The following TCERG1L variants were observed in gnomAD, a reference collection of about 807,000 sequenced individuals.
TCERG1L encodes the protein transcription elongation regulator 1-like protein.
Under a neutral mutation model 56.3 loss-of-function variants are expected in TCERG1L, and 37 were observed. The ratio of observed to expected loss-of-function variants is 0.66; its 90% CI spans 0.51 to 0.87. The LOEUF is 0.87. Among genes scored for constraint, TCERG1L ranks in the 40% least tolerant of loss-of-function variants. The pLI is 0.00. For missense variants in TCERG1L, 799 were observed against 774.2 expected (o/e 1.03, Z -0.38); for synonymous variants, 324 against 326.3 (o/e 0.99, Z 0.08).
intron 4 of TCERG1L, among the ~76,000 whole-genome samples, chr10:131,174,750 T>G (rs780853594): frequency 1.7e-4 from 26 of 152,274 alleles, no homozygotes; most frequent in Non-Finnish European, 3.7e-4. Context: ...AACAAAGGGT[T>G]GTAAAATGCT....
At chr10:131,160,141 T>C (rs1418438670) in intron 6 of TCERG1L, among the ~76,000 whole-genome samples, 1 of 152,128 alleles carries the variant, frequency 6.6e-6, no homozygotes, top group Non-Finnish European at 1.5e-5. Flanking sequence ...GCTCCCAGCG[T>C]GAAGCTTCTC....
At chr10:131,187,606 G>A (rs939379806) in intron 4 of TCERG1L, among the ~76,000 whole-genome samples, 3 of 152,104 alleles carry the variant, frequency 2.0e-5, no homozygotes, top group Admixed American at 2.0e-4. Context: ...ATGGCATGGT[G>A]GAAAACCAAA....
chr10:131,255,691 T>C (rs1466313169), intron 4 of TCERG1L, among the ~76,000 whole-genome samples: 1 of 152,216 alleles, frequency 6.6e-6, no homozygotes, highest in Non-Finnish European at 1.5e-5. Flanking sequence ...CTAACGTAGT[T>C]AAAGTCAGGG....
At chr10:131,195,550 G>C (rs1354377563) in intron 4 of TCERG1L, among the ~76,000 whole-genome samples, 1 of 152,176 alleles carries the variant, frequency 6.6e-6, no homozygotes, top group Non-Finnish European at 1.5e-5. Flanking sequence ...CCTGTACCCC[G>C]AGAGCTTTCT....
chr10:131,205,927 G>A (rs1845519770), intron 4 of TCERG1L, among the ~76,000 whole-genome samples: 1 of 152,226 alleles, frequency 6.6e-6, no homozygotes, highest in Non-Finnish European at 1.5e-5. Context: ...TCCTGTGCCA[G>A]GTCTCTGTGG....
intron 4 of TCERG1L, among the ~76,000 whole-genome samples, chr10:131,187,099 C>T (rs1845253456): frequency 6.6e-6 from 1 of 152,156 alleles, no homozygotes; most frequent in Non-Finnish European, 1.5e-5. Flanking sequence ...GGCAAGTCTG[C>T]CAGAGCTGGC....
intron 3 of TCERG1L, among the ~76,000 whole-genome samples, chr10:131,291,771 A>C (rs996294791): frequency 6.6e-6 from 1 of 151,610 alleles, no homozygotes; most frequent in Non-Finnish European, 1.5e-5. Context: ...ATCCAAGACC[A>C]TAGTAACTGT....
chr10:131,101,399 C>T (rs1411553744), intron 10 of TCERG1L, among the ~76,000 whole-genome samples: 3 of 152,222 alleles, frequency 2.0e-5, no homozygotes, highest in Non-Finnish European at 2.9e-5. Flanking sequence ...TTTCTTTTTG[C>T]GGTGAGAATG....
At chr10:131,187,560 G>A (rs1407789261) in intron 4 of TCERG1L, among the ~76,000 whole-genome samples, 1 of 152,170 alleles carries the variant, frequency 6.6e-6, no homozygotes, top group Non-Finnish European at 1.5e-5. Context: ...TCTGTGAGTA[G>A]ATGGCCTCCC....
intron 4 of TCERG1L, among the ~76,000 whole-genome samples, chr10:131,189,301 A>T (rs183259125): frequency 6.6e-6 from 1 of 152,302 alleles, no homozygotes; most frequent in Admixed American, 6.5e-5. Context: ...CAGTGTGCCC[A>T]TTACATAACT....
chr10:131,123,484 G>A (rs908656052), intron 8 of TCERG1L, among the ~76,000 whole-genome samples: 20 of 152,080 alleles, frequency 1.3e-4, no homozygotes, highest in African/African-American at 4.6e-4. Context: ...ATCTAAGAAT[G>A]TTCTAGAGAC....
chr10:131,206,201 C>T (rs936815215), intron 4 of TCERG1L, among the ~76,000 whole-genome samples: 10 of 152,222 alleles, frequency 6.6e-5, no homozygotes, highest in African/African-American at 2.2e-4. Context: ...CGCCAAGGTC[C>T]GCAAAGGCAA....
chr10:131,247,998 TAC>T (rs35721508), intron 4 of TCERG1L, among the ~76,000 whole-genome samples: 2 of 149,644 alleles, frequency 1.3e-5, no homozygotes, highest in East Asian at 2.0e-4. Context: ...CAGGTGCACA[TAC>T]ACACACACAT....
At chr10:131,238,229 G>T (rs12569729) in intron 4 of TCERG1L, among the ~76,000 whole-genome samples, 1 of 152,092 alleles carries the variant, frequency 6.6e-6, no homozygotes, top group African/African-American at 2.4e-5. Flanking sequence ...GTGCTGTTCC[G>T]TTGTGCAGCC....
At chr10:131,104,486 G>A in intron 9 of TCERG1L, 132 bp from the exon 10 acceptor site, 1 of 621,404 alleles carries the variant, frequency 1.6e-6, no homozygotes, top group South Asian at 1.9e-5. Flanking sequence ...TCCGTGATGT[G>A]GTGCAGTATA....
At position 131,226,369 on chromosome 10, in the gene TCERG1L, G is replaced by T. The variant is rs186853218; in HGVS notation, c.856+33890C>A. 1.4e-4 allele frequency among the ~76,000 whole-genome samples: 21 copies of T among 152,316 alleles called. No homozygotes were observed. The East Asian group carries it at 4.1e-3, about 29-fold the overall frequency. On this transcript the variant is annotated intron_variant, in intron 4 of 11. Coordinates refer to ENST00000368642, the MANE Select transcript of TCERG1L (RefSeq NM_174937.4). ...TGGGAGTCCAGGTGTGAGCCTCCAT[G>T]CCCGGCTACCAATTTCCTTGAAACA...
intron 6 of TCERG1L, among the ~76,000 whole-genome samples, chr10:131,154,863 T>C (rs1311658713): frequency 6.6e-6 from 1 of 152,216 alleles, no homozygotes; most frequent in East Asian, 1.9e-4. Context: ...AGGGGCAGCC[T>C]GGGCCAGGCA....
At position 131,186,006 on chromosome 10, in the gene TCERG1L, C is replaced by T. The variant is rs141928869; in HGVS notation, c.857-19121G>A. 7.2e-5 allele frequency among the ~76,000 whole-genome samples: 11 copies of T among 152,306 alleles called. No homozygotes were observed. In the Middle Eastern group the frequency reaches 0.014, roughly 188 times the overall value. ...ATAAGCACCAAGTAGGCTATCCAAG[C>T]GACGGAACATTATCTTGCGATGAAA... On this transcript the variant is annotated intron_variant, in intron 4 of 11. Coordinates refer to ENST00000368642, the MANE Select transcript of TCERG1L (RefSeq NM_174937.4).
chr10:131,158,997 C>T (rs566461928), intron 6 of TCERG1L, among the ~76,000 whole-genome samples: 5 of 152,354 alleles, frequency 3.3e-5, no homozygotes, highest in Admixed American at 6.5e-5. Flanking sequence ...GACTCGACCC[C>T]TGCCCACCAT....
Sources: allele counts gnomAD v4.1 joint callset (sites outside exome capture counted in the v4.1 genomes callset), GRCh38; gene constraint gnomAD v4.1.1; transcripts MANE v1.5; gene names NCBI Gene and HGNC (gene_info 2026-07-23, HGNC 2026-07-21).